Variants in NXPE2 observed in about 807,000 individuals in gnomAD.
NXPE2 encodes neurexophilin and PC-esterase domain family member 2, also known as NXPE family member 2.
Under a neutral mutation model 34.4 loss-of-function variants are expected in NXPE2, and 34 were observed. The ratio of observed to expected loss-of-function variants is 0.99; its 90% CI spans 0.75 to 1.31. NXPE2 has a LOEUF of 1.31. Ranked by LOEUF, NXPE2 falls within the 40% of genes most tolerant of loss-of-function variation. The pLI, the probability that NXPE2 is intolerant of heterozygous loss-of-function variation, is 0.00. For synonymous variants in NXPE2, 235 were observed against 231.3 expected (o/e 1.02, Z -0.15); for missense variants, 649 against 672.5 (o/e 0.97, Z 0.39).
the NXPE2 span, among the ~76,000 whole-genome samples, chr11:114,657,779 A>G: frequency 6.6e-6 from 1 of 152,144 alleles, no homozygotes; most frequent in Non-Finnish European, 1.5e-5. Context: ...AGCACTTACC[A>G]TTATATTTTT....
chr11:114,653,274 A>G, the NXPE2 span, among the ~76,000 whole-genome samples: 1 of 152,236 alleles, frequency 6.6e-6, no homozygotes, highest in Non-Finnish European at 1.5e-5. Flanking sequence ...AAAATGTTCT[A>G]TAAGGGCTGA....
chr11:114,739,302 T>C, the NXPE2 span, among the ~76,000 whole-genome samples: 2 of 45,384 alleles, frequency 4.4e-5, no homozygotes, highest in Non-Finnish European at 9.9e-5. Context: ...CTTCCTTCCT[T>C]CCTTCCTTCC....
At chr11:114,617,640 T>G in the NXPE2 span, among the ~76,000 whole-genome samples, 4 of 152,192 alleles carry the variant, frequency 2.6e-5, no homozygotes, top group African/African-American at 9.6e-5. Context: ...ACCCAATGGA[T>G]AATAAGTGTT....
At chr11:114,768,677 T>C in the NXPE2 span, among the ~76,000 whole-genome samples, 1 of 152,216 alleles carries the variant, frequency 6.6e-6, no homozygotes, top group African/African-American at 2.4e-5. Flanking sequence ...GTAGCAATTG[T>C]GAATGGGAGT....
At chr11:114,684,120 T>C (rs924895234) in intron 2 of NXPE2, among the ~76,000 whole-genome samples, 3 of 152,172 alleles carry the variant, frequency 2.0e-5, no homozygotes, top group Non-Finnish European at 4.4e-5. Context: ...CTGGGAAAGA[T>C]CTGGCTTAGA....
the NXPE2 span, among the ~76,000 whole-genome samples, chr11:114,712,698 GAA>G: frequency 6.6e-6 from 1 of 152,140 alleles, no homozygotes; most frequent in African/African-American, 2.4e-5. Flanking sequence ...CATACATACC[GAA>G]AAACAGTACG....
At chr11:114,624,913 C>T in the NXPE2 span, among the ~76,000 whole-genome samples, 1 of 152,154 alleles carries the variant, frequency 6.6e-6, no homozygotes, top group Non-Finnish European at 1.5e-5. Context: ...TCATGGGTAA[C>T]CACTGTTACC....
chr11:114,738,587 C>A, the NXPE2 span, among the ~76,000 whole-genome samples: 2 of 152,156 alleles, frequency 1.3e-5, no homozygotes, highest in Admixed American at 1.3e-4. Context: ...ACTGTTTGCT[C>A]CAGCCATGTT....
downstream of NXPE2, among the ~76,000 whole-genome samples, chr11:114,707,781 G>A (rs1275474406): frequency 8.5e-5 from 13 of 152,218 alleles, no homozygotes; most frequent in East Asian, 2.5e-3. Context: ...CATATAAGTG[G>A]GAACATGCAG....
At chr11:114,721,243 GT>G in the NXPE2 span, among the ~76,000 whole-genome samples, 5,433 of 138,762 alleles carry the variant, frequency 0.039, 218 homozygotes, top group African/African-American at 0.1. Flanking sequence ...CTTTCTTCAG[GT>G]TTTTTTTTTT....
upstream of NXPE2, among the ~76,000 whole-genome samples, chr11:114,675,117 A>T (rs1007384275): frequency 2.0e-5 from 3 of 151,688 alleles, no homozygotes; most frequent in Non-Finnish European, 4.4e-5. Context: ...TGAGAAAAAA[A>T]CTCTAAAAAA....
chr11:114,649,482 C>A, the NXPE2 span, among the ~76,000 whole-genome samples: 4 of 152,276 alleles, frequency 2.6e-5, no homozygotes, highest in African/African-American at 9.6e-5. Context: ...AAACCAGACA[C>A]AAGAGACCAC....
the NXPE2 span, chr11:114,522,088 G>T: frequency 6.2e-7 from 1 of 1,613,998 alleles, no homozygotes; most frequent in Non-Finnish European, 8.5e-7. Context: ...CCACGTTGAG[G>T]TCTTTGAAAA....
the NXPE2 span, among the ~76,000 whole-genome samples, chr11:114,547,415 G>A: frequency 2.0e-5 from 3 of 152,190 alleles, no homozygotes; most frequent in Admixed American, 2.0e-4. Context: ...TCAAAAACAA[G>A]GAAAGTCTAA....
chr11:114,632,280 A>G, the NXPE2 span, among the ~76,000 whole-genome samples: 2 of 138,796 alleles, frequency 1.4e-5, no homozygotes, highest in Non-Finnish European at 1.5e-5. Context: ...TATATATACT[A>G]TATATGTATA....
At chr11:114,614,690 G>A in the NXPE2 span, among the ~76,000 whole-genome samples, 2 of 151,934 alleles carry the variant, frequency 1.3e-5, no homozygotes, top group Non-Finnish European at 2.9e-5. Context: ...TGCCTCGTGG[G>A]TAACCACTGT....
At chr11:114,739,292 C>A in the NXPE2 span, among the ~76,000 whole-genome samples, 1 of 12,614 alleles carries the variant, frequency 7.9e-5, no homozygotes, top group Admixed American at 8.8e-4. Flanking sequence ...TCCTTCCTTC[C>A]TTCCTTCCTT....
At chr11:114,648,541 A>T in the NXPE2 span, among the ~76,000 whole-genome samples, 64 of 152,320 alleles carry the variant, frequency 4.2e-4, no homozygotes, top group African/African-American at 1.5e-3. Flanking sequence ...AAACACTCTT[A>T]TAGAAACACC....
the NXPE2 span, among the ~76,000 whole-genome samples, chr11:114,516,835 ACTT>A: frequency 2.6e-5 from 4 of 151,642 alleles, no homozygotes; most frequent in African/African-American, 4.8e-5. Context: ...TCTGAGCCCT[ACTT>A]CTTCTTCTAG....
Sources: allele counts gnomAD v4.1 joint callset (sites outside exome capture counted in the v4.1 genomes callset), GRCh38; gene constraint gnomAD v4.1.1; transcripts MANE v1.5; gene names NCBI Gene and HGNC (gene_info 2026-07-23, HGNC 2026-07-21).